NRG2: variants seen among roughly 807,000 people sequenced by gnomAD.
NRG2 encodes pro-neuregulin-2, membrane-bound isoform.
A neutral mutation model predicts 73.9 loss-of-function variants in NRG2; 27 were observed. That is an observed-to-expected ratio of 0.37 (90% CI 0.27 to 0.50). The LOEUF is 0.50. Ranked by LOEUF, NRG2 falls within the 20% of genes least tolerant of loss-of-function variation. The pLI, the probability that NRG2 is intolerant of heterozygous loss-of-function variation, is 0.96. For missense variants in NRG2, 1,126 were observed against 1,210.1 expected (o/e 0.93, Z 1.03); for synonymous variants, 532 against 541.0 (o/e 0.98, Z 0.23).
intron 1 of NRG2, among the ~76,000 whole-genome samples, chr5:140,001,699 CAA>C (rs71574478): frequency 6.2e-4 from 83 of 132,948 alleles, no homozygotes; most frequent in East Asian, 1.1e-3. Context: ...CTATCTCCAC[CAA>C]AAAAAAAAAA....
chr5:140,029,486 AG>A (rs2126686201), intron 1 of NRG2, among the ~76,000 whole-genome samples: 1 of 152,220 alleles, frequency 6.6e-6, no homozygotes, highest in East Asian at 1.9e-4. Context: ...CCCATAATAT[AG>A]TTGGGAAACC....
chr5:139,990,560 C>CT (rs1195539887), intron 1 of NRG2, among the ~76,000 whole-genome samples: 1 of 152,172 alleles, frequency 6.6e-6, no homozygotes, highest in Non-Finnish European at 1.5e-5. Flanking sequence ...CCTGACTTGG[C>CT]CTCCCAAAGT....
At chr5:140,020,818 A>G (rs1253082326) in intron 1 of NRG2, among the ~76,000 whole-genome samples, 1 of 152,252 alleles carries the variant, frequency 6.6e-6, no homozygotes, top group Non-Finnish European at 1.5e-5. Context: ...TTATGTCATC[A>G]CATCCTCTAT....
rs1168718782 is a variant in NRG2, at chr5:139,980,020, A to C, written c.700+62350T>G. Among the ~76,000 whole-genome samples, 3 of 152,204 alleles carry C rather than the reference A, an allele frequency of 2.0e-5. No homozygotes were observed. The East Asian group carries it at 5.8e-4, about 29-fold the overall frequency. ...ACCAGAAACAAAACAAAACAAAACA[A>C]AGCAAAACCCTCAGGCCCATCAGAT... On this transcript the variant is annotated intron_variant, in intron 1 of 9. Coordinates refer to ENST00000361474, the MANE Select transcript of NRG2 (RefSeq NM_004883.3).
At chr5:140,019,741 C>T (rs1314113968) in intron 1 of NRG2, 1 of 152,176 alleles carries the variant, frequency 6.6e-6, no homozygotes, top group Non-Finnish European at 1.5e-5. Context: ...TGTTGTGAGA[C>T]TCAAATAAGT....
chr5:140,017,011 T>C (rs1406690887), intron 1 of NRG2, among the ~76,000 whole-genome samples: 1 of 152,168 alleles, frequency 6.6e-6, no homozygotes, highest in Non-Finnish European at 1.5e-5. Context: ...ATGTGATTGG[T>C]CTTGGGTTTT....
At chr5:139,849,561 T>A (rs1258984034) in intron 9 of NRG2, among the ~76,000 whole-genome samples, 3 of 152,124 alleles carry the variant, frequency 2.0e-5, no homozygotes, top group African/African-American at 7.2e-5. Flanking sequence ...CACATCCCCC[T>A]TGTAAGCCCA....
intron 3 of NRG2, among the ~76,000 whole-genome samples, chr5:139,872,433 C>A (rs1308496270): frequency 1.3e-5 from 2 of 152,108 alleles, no homozygotes; most frequent in Non-Finnish European, 2.9e-5. Flanking sequence ...CCCCATTCTC[C>A]AAGGTCTGGG....
chr5:139,914,045 A>G (rs1166609338), intron 1 of NRG2, among the ~76,000 whole-genome samples: 4 of 152,044 alleles, frequency 2.6e-5, no homozygotes, highest in Non-Finnish European at 4.4e-5. Context: ...TCCCAGCTAC[A>G]TGGGAGGCTG....
At chr5:139,854,850 C>T (rs1761709396) in intron 6 of NRG2, among the ~76,000 whole-genome samples, 1 of 151,494 alleles carries the variant, frequency 6.6e-6, no homozygotes, top group African/African-American at 2.4e-5. Flanking sequence ...ACATCTATAG[C>T]CTTCACTGGA....
At chr5:139,937,504 G>A (rs1391897513) in intron 1 of NRG2, among the ~76,000 whole-genome samples, 2 of 152,188 alleles carry the variant, frequency 1.3e-5, no homozygotes, top group African/African-American at 2.4e-5. Flanking sequence ...TGGAAAAGAA[G>A]TAAAAGTGTC....
At chr5:139,985,511 A>C (rs191298280) in intron 1 of NRG2, among the ~76,000 whole-genome samples, 19 of 152,216 alleles carry the variant, frequency 1.2e-4, no homozygotes, top group Non-Finnish European at 2.5e-4. Context: ...TCCTCTCCTC[A>C]GAACCCAAGT....
chr5:139,861,931 C>G (rs1762171990), intron 5 of NRG2, among the ~76,000 whole-genome samples: 1 of 152,228 alleles, frequency 6.6e-6, no homozygotes, highest in Non-Finnish European at 1.5e-5. Context: ...TAGAGCTGGT[C>G]TGGGCCCCAC....
intron 1 of NRG2, among the ~76,000 whole-genome samples, chr5:140,015,709 C>T (rs1759713915): frequency 6.6e-6 from 1 of 152,134 alleles, no homozygotes; most frequent in Non-Finnish European, 1.5e-5. Flanking sequence ...GTCCAGTAAA[C>T]ACAATGGAGG....
At chr5:139,878,963 G>A (rs1763357860) in intron 3 of NRG2, among the ~76,000 whole-genome samples, 1 of 152,238 alleles carries the variant, frequency 6.6e-6, no homozygotes, top group Non-Finnish European at 1.5e-5. Flanking sequence ...CCTGAGGCTA[G>A]GGTGGTAGAC....
intron 5 of NRG2, among the ~76,000 whole-genome samples, chr5:139,863,654 C>T (rs1762292761): frequency 1.3e-5 from 2 of 152,268 alleles, no homozygotes; most frequent in Non-Finnish European, 2.9e-5. Flanking sequence ...CCCTGGCCCC[C>T]AGCTCTGCCT....
In NRG2 at chr5:139,851,282, C is replaced by T. The variant is rs377627918; in HGVS notation, c.1772+322G>A. Among the ~76,000 whole-genome samples, 17 of 152,266 alleles carry T rather than the reference C, an allele frequency of 1.1e-4. No individual in the cohort carries two copies. The South Asian group carries it at 1.2e-3, about 11-fold the overall frequency. On this transcript the variant is annotated intron_variant, in intron 9 of 9. Transcript: ENST00000361474. This position sits in a 1 kb window ranked among gnomAD's most constrained non-coding sequence, Gnocchi z 4.2. ...GATTACAGGTGTGAGCCACCGCGCCCGGCTGCCTGTTTGTTCTTGATGTTC... is the reference window on the plus strand; with the variant it reads ...GATTACAGGTGTGAGCCACCGCGCCTGGCTGCCTGTTTGTTCTTGATGTTC...
intron 1 of NRG2, among the ~76,000 whole-genome samples, chr5:139,961,220 C>G (rs1371112730): frequency 6.6e-6 from 1 of 152,148 alleles, no homozygotes; most frequent in Non-Finnish European, 1.5e-5. Flanking sequence ...AGGGGGAGCC[C>G]CAGCCGGTGC....
At chr5:139,875,129 A>G (rs1763089362) in intron 3 of NRG2, among the ~76,000 whole-genome samples, 3 of 152,172 alleles carry the variant, frequency 2.0e-5, no homozygotes, top group Admixed American at 2.0e-4. Flanking sequence ...CTCCTGCCTC[A>G]GCCTCCCAAG....
Sources: gnomAD v4.1 joint callset for allele counts (sites outside exome capture counted in the v4.1 genomes callset) on GRCh38, gnomAD v4.1.1 for gene constraint, Gnocchi (gnomAD v3.1) non-coding constraint, MANE v1.5 for transcripts, NCBI Gene and HGNC (gene_info 2026-07-23, HGNC 2026-07-21) for gene names.